Variants in TGFBR1 observed in about 807,000 individuals in gnomAD.
The protein encoded by TGFBR1 is TGF-beta receptor type-1.
Under a neutral mutation model 55.1 loss-of-function variants are expected in TGFBR1, and 20 were observed. The ratio of observed to expected loss-of-function variants is 0.36; its 90% CI spans 0.26 to 0.53. The LOEUF is 0.53. Among genes scored for constraint, TGFBR1 ranks in the 20% least tolerant of loss-of-function variants. TGFBR1 has a pLI of 0.91. For missense variants in TGFBR1, 385 were observed against 617.6 expected (o/e 0.62, Z 3.99); for synonymous variants, 220 against 214.8 (o/e 1.02, Z -0.21).
intron 3 of TGFBR1, among the ~76,000 whole-genome samples, chr9:99,133,505 G>A (rs1827314898): frequency 6.6e-6 from 1 of 152,202 alleles, no homozygotes; most frequent in Admixed American, 6.5e-5. Context: ...AATATTAAGA[G>A]AGGAACACTC....
chr9:99,112,907 TA>T (rs1309550236), intron 1 of TGFBR1, among the ~76,000 whole-genome samples: 1 of 149,904 alleles, frequency 6.7e-6, no homozygotes, highest in Non-Finnish European at 1.5e-5. Context: ...TACTAGCATC[TA>T]GCATTCACCT....
chr9:99,117,158 G>A (rs1826769522), intron 1 of TGFBR1, among the ~76,000 whole-genome samples: 1 of 152,136 alleles, frequency 6.6e-6, no homozygotes, highest in African/African-American at 2.4e-5. Flanking sequence ...CGCGATCTTG[G>A]CTCACTGCAA....
chr9:99,128,672 GGT>G (rs779800456), intron 1 of TGFBR1, 181 bp from the exon 2 acceptor site: 23 of 810,294 alleles, frequency 2.8e-5, no homozygotes, highest in Non-Finnish European at 4.1e-5. Flanking sequence ...ACGTGTATGT[GGT>G]TCTTAATATA....
At chr9:99,140,637 C>T (rs1827587415) in intron 4 of TGFBR1, among the ~76,000 whole-genome samples, 1 of 152,110 alleles carries the variant, frequency 6.6e-6, no homozygotes, top group African/African-American at 2.4e-5. Flanking sequence ...CTTCTTACTT[C>T]TTCATAGTTG....
intron 1 of TGFBR1, among the ~76,000 whole-genome samples, chr9:99,108,124 T>G (rs568717842): frequency 6.6e-6 from 1 of 152,350 alleles, no homozygotes; most frequent in African/African-American, 2.4e-5. Context: ...TTGATTTCTA[T>G]TTGAGCATTC....
At chr9:99,118,632 C>A (rs1826814296) in intron 1 of TGFBR1, among the ~76,000 whole-genome samples, 1 of 148,800 alleles carries the variant, frequency 6.7e-6, no homozygotes, top group South Asian at 2.1e-4. Flanking sequence ...AACTCCCTTA[C>A]TGTTTTCTTT....
intron 1 of TGFBR1, among the ~76,000 whole-genome samples, chr9:99,106,352 TA>T (rs1304501450): frequency 6.6e-6 from 1 of 152,200 alleles, no homozygotes; most frequent in Non-Finnish European, 1.5e-5. Context: ...CACTAGAAGC[TA>T]AAATACACAG....
chr9:99,105,676 C>T (rs972528799), intron 1 of TGFBR1, among the ~76,000 whole-genome samples: 1 of 152,092 alleles, frequency 6.6e-6, no homozygotes, highest in Admixed American at 6.5e-5. Flanking sequence ...CTGGCAGAGC[C>T]GTGGCTGCCC....
At chr9:99,109,380 G>A (rs965694508) in intron 1 of TGFBR1, among the ~76,000 whole-genome samples, 20 of 152,056 alleles carry the variant, frequency 1.3e-4, no homozygotes, top group African/African-American at 3.9e-4. Flanking sequence ...TAGATGATCC[G>A]CTTTGTTGTT....
chr9:99,127,882 A>G (rs1418787263), intron 1 of TGFBR1: 7 of 449,972 alleles, frequency 1.6e-5, no homozygotes, highest in African/African-American at 4.0e-5. Flanking sequence ...TATTTTTTGA[A>G]TGCTGCTGTG....
chr9:99,132,865 A>T, intron 3 of TGFBR1, 126 bp downstream of exon 3: 8 of 1,308,090 alleles, frequency 6.1e-6, no homozygotes, highest in Non-Finnish European at 8.3e-6. Context: ...TGCAGGTTTG[A>T]ACCTAATAAA....
At chr9:99,112,602 G>A (rs1402207980) in intron 1 of TGFBR1, among the ~76,000 whole-genome samples, 2 of 152,118 alleles carry the variant, frequency 1.3e-5, no homozygotes, top group Non-Finnish European at 2.9e-5. Flanking sequence ...TGCATCCTAG[G>A]CACTCAGTAA....
chr9:99,127,636 C>T, intron 1 of TGFBR1: 1 of 266,646 alleles, frequency 3.8e-6, no homozygotes, highest in South Asian at 3.7e-5. Context: ...AGCAAGTTAG[C>T]TCTTCAGGGA....
At chr9:99,129,942 A>G (rs1418709513) in intron 2 of TGFBR1, among the ~76,000 whole-genome samples, 12 of 152,124 alleles carry the variant, frequency 7.9e-5, no homozygotes, top group Non-Finnish European at 1.5e-4. Context: ...TCCTGGCAGA[A>G]CCAGCAGTTT....
intron 8 of TGFBR1, among the ~76,000 whole-genome samples, chr9:99,148,442 T>TA (rs1483980099): frequency 6.6e-6 from 1 of 152,170 alleles, no homozygotes; most frequent in African/African-American, 2.4e-5. Flanking sequence ...CTGTTACTAT[T>TA]ACAATATTGG....
intron 1 of TGFBR1, among the ~76,000 whole-genome samples, chr9:99,126,229 G>A (rs1300721702): frequency 6.6e-6 from 1 of 152,186 alleles, no homozygotes; most frequent in African/African-American, 2.4e-5. Context: ...GATAGCATTT[G>A]CCATGTGAGA....
At chr9:99,133,907 G>T (rs1827333289) in intron 3 of TGFBR1, among the ~76,000 whole-genome samples, 1 of 151,146 alleles carries the variant, frequency 6.6e-6, no homozygotes, top group Admixed American at 6.6e-5. Context: ...GGGAGGCCGA[G>T]ACAGGAGAAT....
At chr9:99,120,519 A>G (rs545766853) in intron 1 of TGFBR1, among the ~76,000 whole-genome samples, 158 of 152,334 alleles carry the variant, frequency 1.0e-3, no homozygotes, top group Non-Finnish European at 2.0e-3. Context: ...TAATCACACT[A>G]TACAGCTTTA....
rs370612884 is a variant in TGFBR1 at position 99,146,460 on chromosome 9, A to G, written c.1131-25A>G. On this transcript the variant is annotated intron_variant, in intron 6 of 8. Transcript: ENST00000374994. ...ATGGCAGTAAGGGGATGATTTTCAA[A>G]GTTCTTTTTGCAAATTTTTTTTAGG... 32 of 1,613,546 alleles carry G rather than the reference A, an allele frequency of 2.0e-5. No homozygotes were observed. In the African/African-American group the frequency reaches 3.7e-4, roughly 19 times the overall value.
Sources: allele counts gnomAD v4.1 joint callset (sites outside exome capture counted in the v4.1 genomes callset), GRCh38; gene constraint gnomAD v4.1.1; transcripts MANE v1.5; gene names NCBI Gene and HGNC (gene_info 2026-07-23, HGNC 2026-07-21).